The following MAN1A1 variants were observed in gnomAD, a reference collection of about 807,000 sequenced individuals.
The protein encoded by MAN1A1 is mannosidase alpha class 1A member 1.
In MAN1A1, 29 loss-of-function variants were observed where a neutral mutation model predicts 70.8. The observed-to-expected ratio is 0.41, with a 90% CI of 0.31 to 0.56. The LOEUF (loss-of-function observed/expected upper bound fraction) is 0.56. Ranked by LOEUF, MAN1A1 falls within the 20% of genes least tolerant of loss-of-function variation. MAN1A1 has a pLI of 0.29. For synonymous variants in MAN1A1, 349 were observed against 330.1 expected (o/e 1.06, Z -0.62); for missense variants, 747 against 841.3 (o/e 0.89, Z 1.39).
chr6:119,308,815 T>C (rs1772602270), intron 2 of MAN1A1, among the ~76,000 whole-genome samples: 1 of 152,162 alleles, frequency 6.6e-6, no homozygotes, highest in Admixed American at 6.5e-5. Context: ...AAAGATACTT[T>C]ATAAATTCAA....
intron 5 of MAN1A1, among the ~76,000 whole-genome samples, chr6:119,283,217 C>A (rs1246209421): frequency 1.3e-5 from 2 of 152,200 alleles, no homozygotes; most frequent in Non-Finnish European, 2.9e-5. Context: ...TCTCCTACCC[C>A]AAGCCTTCCA....
At chr6:119,205,319 T>C (rs370152998) in intron 6 of MAN1A1, among the ~76,000 whole-genome samples, 15 of 152,310 alleles carry the variant, frequency 9.8e-5, no homozygotes, top group African/African-American at 3.1e-4. Flanking sequence ...TTTATGTGGA[T>C]AGAAGATAAA....
intron 6 of MAN1A1, among the ~76,000 whole-genome samples, chr6:119,210,482 C>T (rs1020496345): frequency 7.9e-5 from 12 of 152,168 alleles, no homozygotes; most frequent in Non-Finnish European, 1.8e-4. Context: ...TTTTCACAAA[C>T]ATTTTCCATG....
At chr6:119,240,797 A>G (rs749831186) in intron 6 of MAN1A1, among the ~76,000 whole-genome samples, 1 of 152,220 alleles carries the variant, frequency 6.6e-6, no homozygotes, top group Non-Finnish European at 1.5e-5. Flanking sequence ...ATAACTGTCC[A>G]CTTGCAATAA....
intron 2 of MAN1A1, among the ~76,000 whole-genome samples, chr6:119,320,495 C>T (rs1239473503): frequency 6.6e-6 from 1 of 151,990 alleles, no homozygotes; most frequent in Non-Finnish European, 1.5e-5. Context: ...GCAGCTGAAA[C>T]TACTCTAAAG....
At chr6:119,309,030 T>C (rs1326994664) in intron 2 of MAN1A1, among the ~76,000 whole-genome samples, 2 of 152,206 alleles carry the variant, frequency 1.3e-5, no homozygotes, top group Non-Finnish European at 2.9e-5. Flanking sequence ...ATTTCAAAAG[T>C]TGCTGACATA....
At chr6:119,205,514 T>C (rs1033356593) in intron 6 of MAN1A1, among the ~76,000 whole-genome samples, 11 of 152,200 alleles carry the variant, frequency 7.2e-5, no homozygotes, top group African/African-American at 2.4e-4. Flanking sequence ...AATTATGTTA[T>C]AAAAATCTGG....
intron 5 of MAN1A1, among the ~76,000 whole-genome samples, chr6:119,284,871 GA>G (rs924467640): frequency 6.6e-6 from 1 of 152,128 alleles, no homozygotes; most frequent in Non-Finnish European, 1.5e-5. Flanking sequence ...TACAGCATAT[GA>G]AAAATATTGT....
chr6:119,218,994 T>G (rs1030710170), intron 6 of MAN1A1, among the ~76,000 whole-genome samples: 8 of 152,204 alleles, frequency 5.3e-5, no homozygotes, highest in African/African-American at 1.9e-4. Flanking sequence ...ATGAATGTGC[T>G]GCAGAAACTT....
At chr6:119,225,025 G>A (rs1774466957) in intron 6 of MAN1A1, among the ~76,000 whole-genome samples, 2 of 152,094 alleles carry the variant, frequency 1.3e-5, no homozygotes, top group African/African-American at 4.8e-5. Flanking sequence ...TACTCAGGAG[G>A]CTGAGGCAGG....
At chr6:119,194,025 C>T (rs1416600226) in intron 8 of MAN1A1, 133 bp from the exon 9 acceptor site, 1 of 572,160 alleles carries the variant, frequency 1.7e-6, no homozygotes, top group East Asian at 2.9e-5. Context: ...TCCAACAAAT[C>T]TCTTATTTTC....
In MAN1A1 at chr6:119,216,978, C is replaced by T. The variant is rs80108745; in HGVS notation, c.993-12096G>A. 6.0e-3 allele frequency among the ~76,000 whole-genome samples: 909 copies of T among 152,250 alleles called. 29 individuals carry two copies. In the East Asian group the frequency reaches 0.091, roughly 15 times the overall value. ...TTTTCTTTTGCTTCAAGTTTTGCTA[C>T]GATAAACAATGTTGCACATGCATGG... is the stretch of plus-strand genomic sequence containing the variant. On this transcript the variant is annotated intron_variant, in intron 6 of 12. Transcript: ENST00000368468.
At chr6:119,252,289 G>A (rs1775338308) in intron 5 of MAN1A1, among the ~76,000 whole-genome samples, 1 of 152,116 alleles carries the variant, frequency 6.6e-6, no homozygotes. Flanking sequence ...ATTTTAATGG[G>A]CATTTCTCGC....
chr6:119,336,021 G>C (rs1294565060), intron 2 of MAN1A1, among the ~76,000 whole-genome samples: 1 of 152,052 alleles, frequency 6.6e-6, no homozygotes, highest in Non-Finnish European at 1.5e-5. Flanking sequence ...GCAAATTCTG[G>C]GGCCCACCCA....
intron 6 of MAN1A1, among the ~76,000 whole-genome samples, chr6:119,232,088 T>C (rs947626079): frequency 4.6e-5 from 7 of 152,212 alleles, no homozygotes; most frequent in Middle Eastern, 3.4e-3. Flanking sequence ...AAAATAACAC[T>C]GGAGGCTGGG....
chr6:119,295,887 T>C (rs1772203029), intron 4 of MAN1A1, among the ~76,000 whole-genome samples: 1 of 152,156 alleles, frequency 6.6e-6, no homozygotes, highest in Admixed American at 6.6e-5. Context: ...CAAAATCCAA[T>C]GTAAATAACA....
intron 5 of MAN1A1, among the ~76,000 whole-genome samples, chr6:119,254,203 T>G (rs1262602624): frequency 6.6e-6 from 1 of 152,138 alleles, no homozygotes; most frequent in Non-Finnish European, 1.5e-5. Flanking sequence ...AAAAGCAAAT[T>G]TTTACAAAAA....
intron 2 of MAN1A1, among the ~76,000 whole-genome samples, chr6:119,313,345 C>A (rs957141888): frequency 2.0e-5 from 3 of 152,058 alleles, no homozygotes; most frequent in African/African-American, 7.2e-5. Context: ...CGAGGGCCAC[C>A]TCCAGTCACC....
chr6:119,261,277 C>T (rs1307392348), intron 5 of MAN1A1, among the ~76,000 whole-genome samples: 2 of 152,126 alleles, frequency 1.3e-5, no homozygotes, highest in East Asian at 3.8e-4. Context: ...CTGCGCCCCG[C>T]CTATTGCTTT....
Sources: allele counts gnomAD v4.1 joint callset (sites outside exome capture counted in the v4.1 genomes callset), GRCh38; gene constraint gnomAD v4.1.1; transcripts MANE v1.5; gene names NCBI Gene and HGNC (gene_info 2026-07-23, HGNC 2026-07-21).